Variants in CMIP observed in about 807,000 individuals in gnomAD.
The protein encoded by CMIP is C-Maf-inducing protein.
CMIP carries 13 observed loss-of-function variants against 97.3 expected under a neutral mutation model. The observed-to-expected ratio is 0.13, with a 90% CI of 0.09 to 0.21. CMIP has a LOEUF of 0.21. Ranked by LOEUF, CMIP falls within the 10% of genes least tolerant of loss-of-function variation. CMIP has a pLI of 1.00. For missense variants in CMIP, 847 were observed against 1,024.9 expected, an observed-to-expected ratio of 0.83 and a Z score of 2.37; for synonymous variants, 538 against 436.3, an observed-to-expected ratio of 1.23 and a Z score of -2.91.
At chr16:81,469,121 CAGGGAAA>C (rs1907377190) in intron 1 of CMIP, among the ~76,000 whole-genome samples, 1 of 152,220 alleles carries the variant, frequency 6.6e-6, no homozygotes, top group Admixed American at 6.5e-5. Context: ...TCGTTGCCAA[CAGGGAAA>C]TGTCCTCTGT....
At chr16:81,525,478 G>C (rs905166459) in intron 1 of CMIP, among the ~76,000 whole-genome samples, 5 of 151,838 alleles carry the variant, frequency 3.3e-5, no homozygotes, top group Non-Finnish European at 7.4e-5. Context: ...TTTTATTATG[G>C]TCAAATACAT....
intron 3 of CMIP, among the ~76,000 whole-genome samples, chr16:81,646,147 G>C (rs1012161266): frequency 2.7e-5 from 4 of 150,500 alleles, no homozygotes; most frequent in African/African-American, 9.9e-5. Flanking sequence ...TGGATAGTTG[G>C]GTGGGTGGAT....
chr16:81,491,181 C>T (rs2089400238), intron 1 of CMIP, among the ~76,000 whole-genome samples: 1 of 152,168 alleles, frequency 6.6e-6, no homozygotes, highest in African/African-American at 2.4e-5. Context: ...GGAACGGTGT[C>T]ACCCATCACA....
chr16:81,701,716 G>T lies in CMIP; in HGVS notation c.1812G>T (p.Gln604His). The change falls in exon 16 of 21, where the codon CAG becomes CAT. Residue 604 changes from glutamine to histidine, a missense_variant. By Grantham distance (24) the Gln-to-His change is conservative. Transcript: ENST00000537098. ...NIIDNNDTQL[Q>H]IISTLESTDV... ...TCGACAACAACGACACCCAACTGCA[G>T]ATCATCTCAACCCTGGAGAGCACAG... 2 of 1,613,936 alleles carry T rather than the reference G, an allele frequency of 1.2e-6. No individual in the cohort carries two copies. Among genetic ancestry groups the T allele is most frequent in the Non-Finnish European group, 1.7e-6 (2 of 1,179,892 alleles).
chr16:81,538,310 G>A (rs1318733539), intron 1 of CMIP, among the ~76,000 whole-genome samples: 31 of 152,204 alleles, frequency 2.0e-4, no homozygotes, highest in Admixed American at 2.0e-3. Context: ...GGCCCCCGGC[G>A]GTGGCTCCTG....
intron 10 of CMIP, among the ~76,000 whole-genome samples, chr16:81,684,055 C>A (rs868714709): frequency 6.6e-6 from 1 of 152,304 alleles, no homozygotes; most frequent in Middle Eastern, 3.4e-3. Flanking sequence ...GCCACCACGC[C>A]CAGCCTGTTT....
At chr16:81,551,559 T>A (rs1471246145) in intron 1 of CMIP, among the ~76,000 whole-genome samples, 1 of 152,224 alleles carries the variant, frequency 6.6e-6, no homozygotes, top group African/African-American at 2.4e-5. Flanking sequence ...GTGGCTGCAG[T>A]GTGTGCCTCA....
At chr16:81,564,723 C>A (rs925930459) in intron 1 of CMIP, among the ~76,000 whole-genome samples, 1 of 152,182 alleles carries the variant, frequency 6.6e-6, no homozygotes, top group African/African-American at 2.4e-5. Flanking sequence ...CTGCAGATTG[C>A]ACTTCTAGAA....
intron 3 of CMIP, among the ~76,000 whole-genome samples, chr16:81,651,875 C>T (rs143266112): frequency 1.0e-3 from 152 of 152,180 alleles, no homozygotes; most frequent in African/African-American, 3.5e-3. Context: ...TTGTGTACCT[C>T]GGTTTCTTCA....
chr16:81,695,607 A>G (rs1407411203), intron 13 of CMIP: 1 of 152,134 alleles, frequency 6.6e-6, no homozygotes, highest in Non-Finnish European at 1.5e-5. Context: ...CCTTGCTCTC[A>G]TGCTCTGTCT....
intron 3 of CMIP, among the ~76,000 whole-genome samples, chr16:81,636,305 C>G (rs759811065): frequency 6.6e-6 from 1 of 152,028 alleles, no homozygotes; most frequent in Non-Finnish European, 1.5e-5. Context: ...GATTCTGGCC[C>G]GGTGTGGTGG....
chr16:81,696,150 C>A (rs948055794), intron 13 of CMIP: 9 of 269,582 alleles, frequency 3.3e-5, no homozygotes, highest in South Asian at 2.9e-4. Flanking sequence ...AAACAGAGAA[C>A]GGAGACCCAG....
At chr16:81,575,751 G>T (rs986354455) in intron 1 of CMIP, among the ~76,000 whole-genome samples, 2 of 152,194 alleles carry the variant, frequency 1.3e-5, no homozygotes, top group African/African-American at 4.8e-5. Flanking sequence ...AGAGCTCTGA[G>T]TTCAGGTCCT....
chr16:81,572,861 C>T (rs900179532), intron 1 of CMIP, among the ~76,000 whole-genome samples: 59 of 152,186 alleles, frequency 3.9e-4, no homozygotes, highest in African/African-American at 1.4e-3. Flanking sequence ...AGCATTAGCA[C>T]CAGCATCAGT....
intron 1 of CMIP, among the ~76,000 whole-genome samples, chr16:81,489,780 G>A (rs147951255): frequency 6.6e-6 from 1 of 152,212 alleles, no homozygotes; most frequent in Non-Finnish European, 1.5e-5. Context: ...GGCCCTTCAC[G>A]CTGGGAGCTT....
chr16:81,498,071 CAG>C (rs1210944073), intron 1 of CMIP, among the ~76,000 whole-genome samples: 1 of 152,252 alleles, frequency 6.6e-6, no homozygotes, highest in African/African-American at 2.4e-5. Flanking sequence ...CATTCATTCT[CAG>C]AGTACCATGG....
At position 81,621,457 on chromosome 16, in the gene CMIP, C is replaced by T. The variant is rs1428080531; in HGVS notation, c.477+531C>T. ...AAAGGGAACTTCATCTTCTTGGAGA[C>T]CCAGGGGCAGATCTTCTAAGAGGGG... On this transcript the variant is annotated intron_variant, in intron 3 of 20. Coordinates refer to ENST00000537098, the MANE Select transcript of CMIP (RefSeq NM_198390.3). The surrounding 1 kb of genome is among the most constrained non-coding windows in gnomAD (Gnocchi z 4.1). 5 of 153,882 alleles carry T rather than the reference C, an allele frequency of 3.2e-5. No individual in the cohort carries two copies. Among genetic ancestry groups the T allele is most frequent in the Non-Finnish European group, 7.2e-5 (5 of 69,012 alleles). The allele number at this position is 153,882 out of a possible 1,614,324, so 9.5% of individuals were successfully genotyped here.
chr16:81,532,029 G>A (rs2090246684), intron 1 of CMIP, among the ~76,000 whole-genome samples: 1 of 152,210 alleles, frequency 6.6e-6, no homozygotes, highest in South Asian at 2.1e-4. Flanking sequence ...TGGATGTCAG[G>A]CACTAAGTCG....
rs1174344589 is a variant in CMIP, at chr16:81,655,585, T to G, written c.640-2190T>G. On this transcript the variant is annotated intron_variant, in intron 4 of 20. Coordinates refer to ENST00000537098, the MANE Select transcript of CMIP (RefSeq NM_198390.3). This position sits in a 1 kb window ranked among gnomAD's most constrained non-coding sequence, Gnocchi z 4.9. ...TCCCTGTAGAATGCATGGGCTGTCCTGTGACTGGGACAAAGGAAATGATGT... is the reference window on the plus strand; with the variant it reads ...TCCCTGTAGAATGCATGGGCTGTCCGGTGACTGGGACAAAGGAAATGATGT... 4.6e-5 allele frequency among the ~76,000 whole-genome samples: 7 copies of G among 152,138 alleles called. No individual in the cohort carries two copies. The highest frequency in any genetic ancestry group is 1.4e-4 in the African/African-American group (6 of 41,442).
Sources: gnomAD v4.1 joint callset for allele counts (sites outside exome capture counted in the v4.1 genomes callset) on GRCh38, gnomAD v4.1.1 for gene constraint, Gnocchi (gnomAD v3.1) non-coding constraint, MANE v1.5 for transcripts, NCBI Gene and HGNC (gene_info 2026-07-23, HGNC 2026-07-21) for gene names.